The following SPOCK3 variants were observed in gnomAD, a reference collection of about 807,000 sequenced individuals.
SPOCK3 encodes the protein testican-3.
SPOCK3 carries 30 observed loss-of-function variants against 56.6 expected under a neutral mutation model. The ratio of observed to expected loss-of-function variants is 0.53; its 90% CI spans 0.40 to 0.72. The LOEUF is 0.72. SPOCK3 is among the 30% of genes least tolerant of loss of function. The probability of loss-of-function intolerance (pLI) is 0.00; values close to 1 mark genes in which losing one functional copy is unlikely to be tolerated. For missense variants in SPOCK3, 527 were observed against 530.0 expected (o/e 0.99, Z 0.06); for synonymous variants, 196 against 183.3 (o/e 1.07, Z -0.56).
intron 4 of SPOCK3, among the ~76,000 whole-genome samples, chr4:166,987,730 A>G (rs1427631): frequency 0.65 from 98,987 of 152,100 alleles, 34,013 homozygotes; most frequent in East Asian, 0.84. Context: ...GACATTGCAA[A>G]TTAATAAATA....
intron 2 of SPOCK3, among the ~76,000 whole-genome samples, chr4:167,133,775 G>C (rs1762878494): frequency 1.3e-5 from 2 of 152,006 alleles, no homozygotes; most frequent in South Asian, 4.1e-4. Flanking sequence ...GCATTTCATG[G>C]GACATTCTCA....
intron 2 of SPOCK3, among the ~76,000 whole-genome samples, chr4:167,125,530 G>T (rs539939452): frequency 6.6e-6 from 1 of 151,398 alleles, no homozygotes; most frequent in African/African-American, 2.4e-5. Flanking sequence ...TGGCTAACAC[G>T]GCGAAACCCT....
intron 2 of SPOCK3, among the ~76,000 whole-genome samples, chr4:167,156,533 C>T (rs182229524): frequency 6.6e-6 from 1 of 152,196 alleles, no homozygotes; most frequent in East Asian, 1.9e-4. Context: ...AAAAGATAAA[C>T]AACAGCTACT....
intron 2 of SPOCK3, among the ~76,000 whole-genome samples, chr4:167,186,606 A>T (rs1031699906): frequency 4.0e-5 from 6 of 151,180 alleles, no homozygotes; most frequent in Non-Finnish European, 7.4e-5. Flanking sequence ...CAGTCTGGAC[A>T]ACAAGAGCAA....
chr4:167,085,070 C>G (rs76460707), intron 2 of SPOCK3, among the ~76,000 whole-genome samples: 1,699 of 151,458 alleles, frequency 0.011, 18 homozygotes, highest in Non-Finnish European at 0.018. Flanking sequence ...TAATAGTGAT[C>G]TGGATAAAAA....
At chr4:166,754,816 G>A (rs1736861488) in intron 7 of SPOCK3, 87 bp from the exon 8 acceptor site, 2 of 1,189,462 alleles carry the variant, frequency 1.7e-6, no homozygotes, top group Non-Finnish European at 2.4e-6. Context: ...CAGGTAGCTA[G>A]TGTAGGACAT....
At chr4:167,169,683 C>A (rs919432912) in intron 2 of SPOCK3, among the ~76,000 whole-genome samples, 1 of 152,068 alleles carries the variant, frequency 6.6e-6, no homozygotes, top group African/African-American at 2.4e-5. Context: ...TGTTGGAAGG[C>A]AGAATTGATC....
intron 6 of SPOCK3, among the ~76,000 whole-genome samples, chr4:166,851,035 A>G (rs1306924617): frequency 6.6e-6 from 1 of 152,224 alleles, no homozygotes; most frequent in Non-Finnish European, 1.5e-5. Context: ...AAACGAAAAG[A>G]CAGCAGTAAC....
At chr4:166,791,464 G>T (rs781100810) in intron 7 of SPOCK3, among the ~76,000 whole-genome samples, 5 of 152,088 alleles carry the variant, frequency 3.3e-5, no homozygotes, top group African/African-American at 1.2e-4. Context: ...TGGAGCACAT[G>T]CTTCAATCTT....
chr4:167,123,051 A>C (rs1761989948), intron 2 of SPOCK3, among the ~76,000 whole-genome samples: 1 of 151,850 alleles, frequency 6.6e-6, no homozygotes, highest in African/African-American at 2.4e-5. Context: ...GTGTTGTGAA[A>C]GGGGAAAAAA....
intron 2 of SPOCK3, among the ~76,000 whole-genome samples, chr4:167,176,107 C>T (rs1730959295): frequency 6.6e-6 from 1 of 152,098 alleles, no homozygotes; most frequent in Non-Finnish European, 1.5e-5. Context: ...CCCAGTCATT[C>T]TGACCTTTAC....
chr4:166,741,288 A>G (rs933086526), intron 9 of SPOCK3, among the ~76,000 whole-genome samples: 12 of 152,228 alleles, frequency 7.9e-5, no homozygotes, highest in African/African-American at 2.4e-4. Context: ...CAAATGTTTC[A>G]TCGTTATTTG....
intron 2 of SPOCK3, among the ~76,000 whole-genome samples, chr4:167,206,555 T>C (rs1292956714): frequency 6.6e-6 from 1 of 152,078 alleles, no homozygotes; most frequent in Admixed American, 6.6e-5. Context: ...TTGTGGCACT[T>C]TTCTCAACAA....
intron 2 of SPOCK3, among the ~76,000 whole-genome samples, chr4:167,215,182 G>A (rs1324357554): frequency 5.9e-5 from 9 of 152,028 alleles, no homozygotes; most frequent in Admixed American, 5.9e-4. Flanking sequence ...ATAAAATGTT[G>A]TATTATCAAC....
chr4:167,193,604 A>G (rs1365128957), intron 2 of SPOCK3, among the ~76,000 whole-genome samples: 1 of 145,864 alleles, frequency 6.9e-6, no homozygotes. Flanking sequence ...ATTTCACTAT[A>G]TATTTGTCTT....
chr4:167,010,236 C>T (rs1269837599), intron 3 of SPOCK3, among the ~76,000 whole-genome samples: 2 of 151,938 alleles, frequency 1.3e-5, no homozygotes, highest in Non-Finnish European at 2.9e-5. Context: ...AATAAGAATT[C>T]CAGGCCAGAC....
intron 2 of SPOCK3, among the ~76,000 whole-genome samples, chr4:167,119,230 T>C (rs1761673256): frequency 6.6e-6 from 1 of 152,080 alleles, no homozygotes; most frequent in Non-Finnish European, 1.5e-5. Flanking sequence ...GAAAGAAAAT[T>C]CCTATTGATT....
rs934122287 is a variant in SPOCK3 at position 167,100,582 on chromosome 4, C to T, written c.190-38045G>A. On this transcript the variant is annotated intron_variant, in intron 2 of 10. Transcript: ENST00000357545. ...AGTCAATCTCACCCTCCCATCTTAT[C>T]CCTTCTGCATTAAAAATATGCACAA... Among the ~76,000 whole-genome samples, 14 of 152,048 alleles carry T rather than the reference C, an allele frequency of 9.2e-5. No homozygotes were observed. The South Asian group carries it at 1.2e-3, about 14-fold the overall frequency.
intron 2 of SPOCK3, among the ~76,000 whole-genome samples, chr4:167,180,703 T>C (rs1731382280): frequency 6.6e-6 from 1 of 152,048 alleles, no homozygotes; most frequent in African/African-American, 2.4e-5. Context: ...ACCAGAAAAA[T>C]AGCTAAGATT....
Sources: allele counts gnomAD v4.1 joint callset (sites outside exome capture counted in the v4.1 genomes callset), GRCh38; gene constraint gnomAD v4.1.1; transcripts MANE v1.5; gene names NCBI Gene and HGNC (gene_info 2026-07-23, HGNC 2026-07-21).